The following ENKUR variants were observed in gnomAD, a reference collection of about 807,000 sequenced individuals.
The protein encoded by ENKUR is enkurin, TRPC channel interacting protein, also known as enkurin.
Under a neutral mutation model 27.6 loss-of-function variants are expected in ENKUR, and 19 were observed. The observed-to-expected ratio is 0.69, with a 90% confidence interval of 0.48 to 1.01. ENKUR has a LOEUF of 1.01. Ranked by LOEUF, ENKUR falls within the 50% of genes least tolerant of loss-of-function variation. The probability of loss-of-function intolerance (pLI) is 0.00; values close to 1 mark genes in which losing one functional copy is unlikely to be tolerated. For synonymous variants in ENKUR, 117 were observed against 96.9 expected, an observed-to-expected ratio of 1.21 and a Z score of -1.22; for missense variants, 312 against 310.5, an observed-to-expected ratio of 1.00 and a Z score of -0.04.
chr10:25,009,258 A>C (rs1350066948), intron 1 of ENKUR, among the ~76,000 whole-genome samples: 1 of 151,944 alleles, frequency 6.6e-6, no homozygotes, highest in African/African-American at 2.4e-5. Context: ...AGTATAATAA[A>C]AAAAAAAGTA....
intron 2 of ENKUR, among the ~76,000 whole-genome samples, chr10:25,038,743 C>T (rs1214863368): frequency 3.9e-5 from 6 of 152,134 alleles, no homozygotes; most frequent in African/African-American, 1.2e-4. Context: ...CTGAAATGAA[C>T]GCTGGTTATC....
chr10:25,007,726 G>A (rs186284792), intron 1 of ENKUR, among the ~76,000 whole-genome samples: 4 of 152,122 alleles, frequency 2.6e-5, no homozygotes, highest in South Asian at 2.1e-4. Context: ...GAGCGACTGC[G>A]CCCAGCCACG....
intron 1 of ENKUR, among the ~76,000 whole-genome samples, chr10:25,007,637 T>G (rs189590832): frequency 0.016 from 2,412 of 152,252 alleles, 33 homozygotes; most frequent in South Asian, 0.039. Context: ...GGTTTCACCA[T>G]GTTAGCCAGG....
At chr10:25,031,153 C>T (rs1170431013) in intron 2 of ENKUR, among the ~76,000 whole-genome samples, 2 of 152,136 alleles carry the variant, frequency 1.3e-5, no homozygotes, top group South Asian at 2.1e-4. Context: ...AGACAATGCT[C>T]AGTGATACCT....
intron 1 of ENKUR, among the ~76,000 whole-genome samples, chr10:25,005,832 C>T (rs552008297): frequency 1.3e-5 from 2 of 152,332 alleles, no homozygotes; most frequent in East Asian, 1.9e-4. Context: ...CTTAGTGCTG[C>T]TCAGTACCTC....
chr10:25,020,751 A>G (rs1176362664), upstream of ENKUR, among the ~76,000 whole-genome samples: 7 of 152,196 alleles, frequency 4.6e-5, 1 homozygote, highest in African/African-American at 1.4e-4. Flanking sequence ...AAAAAAAAAA[A>G]AAAAATTACT....
chr10:25,033,825 GTCTATCTATCTATCTA>G (rs140639853), intron 2 of ENKUR, among the ~76,000 whole-genome samples: 36,738 of 148,636 alleles, frequency 0.25, 5,434 homozygotes, highest in East Asian at 0.49. Flanking sequence ...GTGTGTGTGT[GTCTATCTATCTATCTA>G]TCTATCTATC....
intron 2 of ENKUR, among the ~76,000 whole-genome samples, chr10:25,030,245 A>G (rs1250710111): frequency 6.6e-6 from 1 of 151,904 alleles, no homozygotes. Flanking sequence ...GATAGAACTC[A>G]CTCTCCAGTA....
intron 2 of ENKUR, chr10:25,025,172 C>T: frequency 6.2e-7 from 1 of 1,614,158 alleles, no homozygotes; most frequent in Non-Finnish European, 8.5e-7. Flanking sequence ...AAAGTGGTTG[C>T]AGATAGGGTG....
chr10:25,008,168 G>C (rs889419310), intron 1 of ENKUR, among the ~76,000 whole-genome samples: 5 of 151,932 alleles, frequency 3.3e-5, no homozygotes, highest in Non-Finnish European at 5.9e-5. Context: ...CACTAAAATA[G>C]CTTCTAACAC....
At chr10:25,024,610 A>G (rs1850803650) in intron 2 of ENKUR, 1 of 1,614,230 alleles carries the variant, frequency 6.2e-7, no homozygotes, top group Non-Finnish European at 8.5e-7. Flanking sequence ...GGAATATGGA[A>G]CAATCTTAAG....
chr10:25,025,162 A>G, intron 2 of ENKUR: 1 of 1,614,068 alleles, frequency 6.2e-7, no homozygotes, highest in African/African-American at 1.3e-5. Flanking sequence ...TGCTGTTGCA[A>G]AAGTGGTTGC....
chr10:24,999,707 T>C (rs904265891), intron 1 of ENKUR, among the ~76,000 whole-genome samples, 161 bp from the exon 2 acceptor site: 1 of 152,194 alleles, frequency 6.6e-6, no homozygotes, highest in African/African-American at 2.4e-5. Context: ...TCCATCAGAC[T>C]TAGATAAACT....
intron 2 of ENKUR, among the ~76,000 whole-genome samples, chr10:25,054,393 G>C (rs887107477): frequency 6.6e-6 from 1 of 152,198 alleles, no homozygotes; most frequent in Non-Finnish European, 1.5e-5. Context: ...TTGCATTACA[G>C]CTTGGGCAAC....
At chr10:25,034,721 A>G (rs1850989183) in intron 2 of ENKUR, among the ~76,000 whole-genome samples, 1 of 152,206 alleles carries the variant, frequency 6.6e-6, no homozygotes, top group South Asian at 2.1e-4. Context: ...CTTCTCTATT[A>G]AAGTAATGTA....
intron 2 of ENKUR, among the ~76,000 whole-genome samples, chr10:25,057,685 G>A (rs372247597): frequency 6.6e-6 from 1 of 152,186 alleles, no homozygotes; most frequent in African/African-American, 2.4e-5. Flanking sequence ...CAACAATCAA[G>A]CACATACAGA....
chr10:25,016,109 G>C lies in ENKUR; in HGVS notation c.-173C>G, dbSNP rs764230882. The stretch of plus-strand genomic sequence containing the variant: ...AACCCCCTCTTAGCAGTCCTCTCTC[G>C]GGAAGAAAACACCCTATTTCTCTCC... On this transcript the variant is annotated 5_prime_UTR_variant, in exon 1 of 6. Transcript: ENST00000331161. The C allele has an allele frequency of 1.4e-5, 18 of 1,282,634 alleles. No individual in the cohort carries two copies. Among genetic ancestry groups the C allele is most frequent in the Non-Finnish European group, 1.8e-5 (18 of 1,012,502 alleles). 79.5% of individuals were successfully genotyped at this position (1,282,634 alleles called of 1,614,324 possible). A position where few individuals can be genotyped will look rare whatever the true frequency, so the allele number is the denominator to read the frequency against.
intron 2 of ENKUR, among the ~76,000 whole-genome samples, chr10:25,028,406 G>T (rs1850894607): frequency 6.6e-6 from 1 of 152,040 alleles, no homozygotes; most frequent in Non-Finnish European, 1.5e-5. Context: ...ATTGAATTGG[G>T]TGGCATTCCT....
At chr10:24,995,461 A>G (rs904440169) in intron 3 of ENKUR, among the ~76,000 whole-genome samples, 185 bp downstream of exon 3, 1 of 152,230 alleles carries the variant, frequency 6.6e-6, no homozygotes, top group Admixed American at 6.5e-5. Flanking sequence ...ATTGTTTACT[A>G]TGGGTTCTTT....
Sources: allele counts gnomAD v4.1 joint callset (sites outside exome capture counted in the v4.1 genomes callset), GRCh38; gene constraint gnomAD v4.1.1; transcripts MANE v1.5; gene names NCBI Gene and HGNC (gene_info 2026-07-23, HGNC 2026-07-21).